TBC1D22A: variants seen among roughly 807,000 people sequenced by gnomAD.
TBC1D22A encodes the protein putative GTPase activator.
A neutral mutation model predicts 60.2 loss-of-function variants in TBC1D22A; 38 were observed. That is an observed-to-expected ratio of 0.63 (90% CI 0.49 to 0.83). The LOEUF (loss-of-function observed/expected upper bound fraction) is 0.83, where lower values mean the gene tolerates loss of function less well. Ranked by LOEUF, TBC1D22A falls within the 40% of genes least tolerant of loss-of-function variation. The pLI is 0.00. For synonymous variants in TBC1D22A, 302 were observed against 281.7 expected (o/e 1.07, Z -0.72); for missense variants, 628 against 701.0 (o/e 0.90, Z 1.18).
intron 5 of TBC1D22A, among the ~76,000 whole-genome samples, chr22:46,890,244 C>T (rs1034180510): frequency 6.6e-6 from 1 of 152,038 alleles, no homozygotes; most frequent in Admixed American, 6.6e-5. Context: ...GAGGCTGAGG[C>T]AGGAGATCAC....
intron 7 of TBC1D22A, among the ~76,000 whole-genome samples, chr22:46,910,405 G>A (rs1248893081): frequency 6.6e-6 from 1 of 152,172 alleles, no homozygotes; most frequent in Non-Finnish European, 1.5e-5. Flanking sequence ...ATTTAGGATT[G>A]TAGGCAGGGT....
At chr22:46,938,545 T>A (rs1468133952) in intron 8 of TBC1D22A, among the ~76,000 whole-genome samples, 2 of 152,178 alleles carry the variant, frequency 1.3e-5, no homozygotes, top group Admixed American at 6.5e-5. Context: ...TGCTGTTTTC[T>A]CTTTCTTGAT....
intron 8 of TBC1D22A, among the ~76,000 whole-genome samples, chr22:46,950,155 G>T (rs1381181968): frequency 6.6e-6 from 1 of 152,164 alleles, no homozygotes; most frequent in Non-Finnish European, 1.5e-5. Context: ...GCAAGAGGGT[G>T]GTAATAGTGG....
chr22:47,171,858 C>T (rs1215519009), intron 12 of TBC1D22A, among the ~76,000 whole-genome samples: 1 of 152,140 alleles, frequency 6.6e-6, no homozygotes, highest in Non-Finnish European at 1.5e-5. Context: ...AGACCATGAG[C>T]TCTGGAGACA....
chr22:46,977,162 A>G (rs1049737728), intron 9 of TBC1D22A, among the ~76,000 whole-genome samples: 18 of 152,206 alleles, frequency 1.2e-4, no homozygotes, highest in African/African-American at 4.1e-4. Flanking sequence ...CCTAGCTGAA[A>G]TACATAGAAG....
intron 8 of TBC1D22A, among the ~76,000 whole-genome samples, chr22:46,956,823 C>T (rs534839348): frequency 2.0e-5 from 3 of 152,348 alleles, no homozygotes; most frequent in African/African-American, 7.2e-5. Context: ...CAGATGGAGG[C>T]TTAGATTCTA....
At chr22:46,907,476 C>T (rs2069571540) in intron 7 of TBC1D22A, among the ~76,000 whole-genome samples, 2 of 152,158 alleles carry the variant, frequency 1.3e-5, no homozygotes, top group Non-Finnish European at 2.9e-5. Flanking sequence ...ATTATCTGTC[C>T]ACACAGACCC....
At chr22:46,886,566 A>G (rs1250531456) in intron 5 of TBC1D22A, among the ~76,000 whole-genome samples, 1 of 152,216 alleles carries the variant, frequency 6.6e-6, no homozygotes, top group Non-Finnish European at 1.5e-5. Flanking sequence ...CTTTGAGCTA[A>G]AAGTTCACTG....
intron 8 of TBC1D22A, among the ~76,000 whole-genome samples, chr22:46,971,657 T>A (rs2074065948): frequency 6.6e-6 from 1 of 152,218 alleles, no homozygotes; most frequent in South Asian, 2.1e-4. Context: ...GGGCTGGACT[T>A]GGAGTCGAGG....
chr22:46,858,677 C>T (rs893554201), intron 4 of TBC1D22A, among the ~76,000 whole-genome samples: 5 of 152,206 alleles, frequency 3.3e-5, no homozygotes, highest in African/African-American at 9.6e-5. Flanking sequence ...CTGAGCGATA[C>T]GCTGGCGGGT....
intron 1 of TBC1D22A, among the ~76,000 whole-genome samples, chr22:46,770,373 C>T (rs567943656): frequency 5.3e-5 from 8 of 152,358 alleles, no homozygotes; most frequent in South Asian, 2.1e-4. Flanking sequence ...AGCTGGCTGA[C>T]GCCTGGACTT....
intron 3 of TBC1D22A, 144 bp downstream of exon 3, chr22:46,793,985 CTTCCAAGGGTAGGGGA>C: frequency 2.4e-6 from 2 of 821,672 alleles, no homozygotes; most frequent in Non-Finnish European, 3.8e-6. Flanking sequence ...TTATGGTTCT[CTTCCAAGGGTAGGGGA>C]GTGGCCTGCG....
At chr22:46,793,324 G>T (rs750274923) in intron 2 of TBC1D22A, among the ~76,000 whole-genome samples, 177 bp from the exon 3 acceptor site, 6 of 152,186 alleles carry the variant, frequency 3.9e-5, no homozygotes, top group Admixed American at 2.0e-4. Flanking sequence ...AGTCCTCATG[G>T]GCTTCGCCTG....
intron 12 of TBC1D22A, among the ~76,000 whole-genome samples, chr22:47,147,756 G>A (rs1294954665): frequency 6.6e-6 from 1 of 152,260 alleles, no homozygotes; most frequent in African/African-American, 2.4e-5. Flanking sequence ...CCAGCAGTGA[G>A]CACAGGTGGC....
chr22:47,170,673 C>T (rs1425746767), intron 12 of TBC1D22A, among the ~76,000 whole-genome samples: 12 of 149,448 alleles, frequency 8.0e-5, no homozygotes, highest in Admixed American at 3.3e-4. Flanking sequence ...CCTCCTGATG[C>T]AGGACCAGAG....
intron 10 of TBC1D22A, among the ~76,000 whole-genome samples, chr22:47,002,210 G>T (rs560338881): frequency 6.6e-6 from 1 of 152,198 alleles, no homozygotes; most frequent in African/African-American, 2.4e-5. Context: ...CATCGAGAAC[G>T]CTTACACCTA....
chr22:47,090,729 G>A (rs990653380), intron 11 of TBC1D22A, among the ~76,000 whole-genome samples: 1 of 151,638 alleles, frequency 6.6e-6, no homozygotes, highest in Non-Finnish European at 1.5e-5. Flanking sequence ...TTGGGGGAGT[G>A]GCCTCGCAGA....
chr22:46,778,621 A>T (rs972931760), intron 1 of TBC1D22A, among the ~76,000 whole-genome samples: 1 of 152,190 alleles, frequency 6.6e-6, no homozygotes, highest in Non-Finnish European at 1.5e-5. Flanking sequence ...ATCATCTTCC[A>T]TGATAACATT....
intron 11 of TBC1D22A, among the ~76,000 whole-genome samples, chr22:47,105,366 A>T (rs1258208301): frequency 6.6e-6 from 1 of 152,232 alleles, no homozygotes; most frequent in African/African-American, 2.4e-5. Flanking sequence ...ACATAACCAC[A>T]AAGGTGAGAC....
Sources: allele counts gnomAD v4.1 joint callset (sites outside exome capture counted in the v4.1 genomes callset), GRCh38; gene constraint gnomAD v4.1.1; transcripts MANE v1.5; gene names NCBI Gene and HGNC (gene_info 2026-07-23, HGNC 2026-07-21).